MYO7A: variants seen among roughly 807,000 people sequenced by gnomAD.
MYO7A encodes myosin VIIA.
MYO7A carries 210 observed loss-of-function variants against 263.8 expected under a neutral mutation model. The ratio of observed to expected loss-of-function variants is 0.80; its 90% confidence interval spans 0.71 to 0.89. The LOEUF is 0.89. Among genes scored for constraint, MYO7A ranks in the 40% least tolerant of loss-of-function variants. MYO7A has a pLI of 0.00. For missense variants in MYO7A, 2,820 were observed against 2,968.3 expected (o/e 0.95, Z 1.16); for synonymous variants, 1,239 against 1,197.3 (o/e 1.03, Z -0.72).
chr11:77,209,810 T>C lies in MYO7A; in HGVS notation c.6051+1007T>C, dbSNP rs1038134212. Among the ~76,000 whole-genome samples, 8 of 152,326 alleles carry C rather than the reference T, an allele frequency of 5.3e-5. No homozygotes were observed. In the East Asian group the frequency reaches 1.5e-3, roughly 29 times the overall value. On this transcript the variant is annotated intron_variant, in intron 44 of 48. Coordinates refer to ENST00000409709, the MANE Select transcript of MYO7A (RefSeq NM_000260.4). ...CAATCCTTTCTCCACAGGGTGGTCA[T>C]CCTGCTTTCCAGATTCCCCCAGTGG...
intron 35 of MYO7A, 54 bp from the exon 36 acceptor site, chr11:77,201,394 G>C: frequency 1.3e-6 from 2 of 1,545,812 alleles, no homozygotes; most frequent in Non-Finnish European, 1.8e-6. Flanking sequence ...GTGGGAAGAT[G>C]TTCCAACTCA....
In MYO7A at chr11:77,138,270, T is replaced by C. The variant is rs1434763294; in HGVS notation, c.19-4439T>C. On this transcript the variant is annotated intron_variant, in intron 2 of 48. Transcript: ENST00000409709. The surrounding 1 kb of genome is among the most constrained non-coding windows in gnomAD (Gnocchi z 4.9). ...GCGGCGCGCACGGGATTAGGTGAAT[T>C]AGGGAGCCGGAGCAGTGCCGCCGTC... 1.4e-5 allele frequency among the ~76,000 whole-genome samples: 2 copies of C among 140,486 alleles called. No homozygotes were observed. Among genetic ancestry groups the C allele is most frequent in the Non-Finnish European group, 3.1e-5 (2 of 64,938 alleles). 92.2% of individuals were successfully genotyped at this position (140,486 alleles called of 152,430 possible).
rs77116215 is a variant in MYO7A, at chr11:77,188,719, A to C, written c.3504-625A>C. ...GCCTTGGCTCATTCATCTTCACAGC[A>C]ATCTTGTAAGGATTCCTTTAAAATG... On this transcript the variant is annotated intron_variant, in intron 27 of 48. Coordinates refer to ENST00000409709, the MANE Select transcript of MYO7A (RefSeq NM_000260.4). Among the ~76,000 whole-genome samples, 388 of 152,348 alleles carry C rather than the reference A, an allele frequency of 2.5e-3. 1 individual carries two copies. Among genetic ancestry groups the C allele is most frequent in the African/African-American group, 9.0e-3 (373 of 41,578 alleles).
Position 77,182,446 on chromosome 11 carries a change from C to T in MYO7A, c.3131C>T (p.Thr1044Ile). The change falls in exon 25 of 49, where the codon ACC becomes ATC. Residue 1044 changes from threonine (T) to isoleucine (I), a missense_variant. Transcript: ENST00000409709. ...DQLAALAVWI[T>I]ILRFMGDLPE... ...CAGGCAGCCCTGGCGGTCTGGATCA[C>T]CATCCTCCGCTTCATGGGGGACCTC... is the stretch of plus-strand genomic sequence containing the variant. 6.2e-7 allele frequency: 1 copy of T among 1,608,394 alleles called. No individual in the cohort carries two copies. The highest frequency in any genetic ancestry group is 8.5e-7 in the Non-Finnish European group (1 of 1,179,680).
chr11:77,153,428 A>G (rs61899976), intron 4 of MYO7A, among the ~76,000 whole-genome samples: 2,689 of 152,214 alleles, frequency 0.018, 42 homozygotes, highest in Non-Finnish European at 0.028. Flanking sequence ...TGAAGGGTTC[A>G]TGTGCAGGAG....
Position 77,179,783 on chromosome 11 carries a change from C to G in MYO7A, c.2416C>G (p.Leu806Val). The change falls in exon 21 of 49, where the codon CTG (leucine) becomes GTG (valine). Residue 806 changes from leucine (L) to valine (V), a missense_variant. Leu to Val is a conservative substitution (Grantham distance 32). Coordinates refer to ENST00000409709, the MANE Select transcript of MYO7A (RefSeq NM_000260.4). Reference sequence around the variant, plus strand: ...GCAGGCCCTGCACCGCTCCCGGAAGCTGCACCAGCAGTACCGCCTGGCCCG... The same window carrying G: ...GCAGGCCCTGCACCGCTCCCGGAAGGTGCACCAGCAGTACCGCCTGGCCCG... ...RLQALHRSRK[L>V]HQQYRLARQR... 3 of 1,551,870 alleles carry G rather than the reference C, an allele frequency of 1.9e-6. No homozygotes were observed. The highest frequency in any genetic ancestry group is 2.6e-6 in the Non-Finnish European group (3 of 1,150,210).
At chr11:77,183,764 G>C (rs1555086453) in intron 26 of MYO7A, among the ~76,000 whole-genome samples, 1 of 152,022 alleles carries the variant, frequency 6.6e-6, no homozygotes, top group Non-Finnish European at 1.5e-5. Flanking sequence ...TCTCTGCCTG[G>C]GGTCACCTCC....
At chr11:77,211,660 C>G (rs1316779772) in intron 45 of MYO7A, among the ~76,000 whole-genome samples, 161 bp from the exon 46 acceptor site, 10 of 152,176 alleles carry the variant, frequency 6.6e-5, no homozygotes, top group Non-Finnish European at 7.3e-5. Context: ...GAGAGCCCTT[C>G]ACAGTCCCCA....
chr11:77,145,384 G>A (rs1423003027), intron 3 of MYO7A, among the ~76,000 whole-genome samples: 1 of 152,170 alleles, frequency 6.6e-6, no homozygotes, highest in East Asian at 1.9e-4. Context: ...GGACATGGAG[G>A]CTCAGGAGGG....
chr11:77,147,978 C>A (rs1555054960), intron 4 of MYO7A, 28 bp downstream of exon 4: 22 of 1,513,820 alleles, frequency 1.5e-5, no homozygotes, highest in Non-Finnish European at 1.9e-5. Flanking sequence ...CGGTGCCCGT[C>A]CAGGCCCCCT....
chr11:77,180,039 T>C (rs781926982), intron 21 of MYO7A, 86 bp downstream of exon 21: 16 of 1,375,376 alleles, frequency 1.2e-5, no homozygotes, highest in Non-Finnish European at 1.6e-5. Context: ...GGCCAGGAAG[T>C]GGGACCTATA....
intron 26 of MYO7A, 69 bp from the exon 27 acceptor site, chr11:77,184,519 G>A (rs1591392152): frequency 7.1e-7 from 1 of 1,400,296 alleles, no homozygotes; most frequent in East Asian, 2.5e-5. Context: ...GCAGCCTCGG[G>A]TGCTGGTGCC....
intron 31 of MYO7A, among the ~76,000 whole-genome samples, chr11:77,192,908 T>C (rs1463451556): frequency 6.8e-4 from 2 of 2,950 alleles, no homozygotes; most frequent in African/African-American, 2.5e-3. Flanking sequence ...GTGTTGGTGA[T>C]GGTGGAGGGT....
At chr11:77,211,467 C>G (rs1481872986) in intron 45 of MYO7A, 130 bp downstream of exon 45, 1 of 1,059,488 alleles carries the variant, frequency 9.4e-7, no homozygotes, top group Non-Finnish European at 1.3e-6. Context: ...CTTGATGAGG[C>G]CGCCCACCCT....
chr11:77,143,861 C>T (rs1345453269), intron 3 of MYO7A, among the ~76,000 whole-genome samples: 6 of 152,102 alleles, frequency 3.9e-5, no homozygotes, highest in Non-Finnish European at 7.4e-5. Context: ...TCAGGACCCT[C>T]GAGGCCAGGT....
rs1215103312 is a variant in MYO7A at position 77,138,333 on chromosome 11, C to G, written c.19-4376C>G. Among the ~76,000 whole-genome samples the G allele has an allele frequency of 1.4e-5, 2 of 145,760 alleles. No homozygotes were observed. The highest frequency in any genetic ancestry group is 3.0e-5 in the Non-Finnish European group (2 of 66,364). ...CCATGGAGGACCCCGCCGACCCTGC[C>G]GACCCCGCGCGCATCCCGCAGCCCG... On this transcript the variant is annotated intron_variant, in intron 2 of 48. Transcript: ENST00000409709. The surrounding 1 kb of genome is among the most constrained non-coding windows in gnomAD (Gnocchi z 4.9).
At position 77,162,224 on chromosome 11, in the gene MYO7A, A is replaced by G; in HGVS notation, c.1448A>G (p.Asp483Gly). 1 of 1,579,702 alleles carries G rather than the reference A, an allele frequency of 6.3e-7. No homozygotes were observed. Among genetic ancestry groups the G allele is most frequent in the Non-Finnish European group, 8.6e-7 (1 of 1,162,036 alleles). The change falls in exon 13 of 49, where the codon GAC (aspartate) becomes GGC (glycine). Residue 483 changes from aspartate (D) to glycine (G), a missense_variant. Physicochemically the swap from Asp to Gly is moderately conservative, Grantham distance 94. Transcript: ENST00000409709. ...GAGGAATATGACCTGGAGAGCATTG[A>G]CTGGCTGCACATCGAGTTCACTGAC... ...EQEEYDLESIDWLHIEFTDNQ... is the reference protein window; with the variant it reads ...EQEEYDLESIGWLHIEFTDNQ...
intron 2 of MYO7A, among the ~76,000 whole-genome samples, chr11:77,131,924 G>A (rs537510705): frequency 1.6e-4 from 25 of 152,334 alleles, no homozygotes; most frequent in Admixed American, 6.5e-4. Context: ...ATTGATGAGT[G>A]GGAGGGCCTT....
intron 11 of MYO7A, among the ~76,000 whole-genome samples, chr11:77,160,693 T>A (rs1952911527): frequency 1.3e-5 from 2 of 152,092 alleles, no homozygotes; most frequent in Non-Finnish European, 2.9e-5. Flanking sequence ...GACATAGAGA[T>A]GAGAGCCCCA....
Sources: gnomAD v4.1 joint callset for allele counts (sites outside exome capture counted in the v4.1 genomes callset) on GRCh38, gnomAD v4.1.1 for gene constraint, Gnocchi (gnomAD v3.1) non-coding constraint, MANE v1.5 for transcripts, NCBI Gene and HGNC (gene_info 2026-07-23, HGNC 2026-07-21) for gene names.